Variants in FAM174B observed in about 807,000 individuals in gnomAD.
FAM174B encodes membrane protein FAM174B.
A neutral mutation model predicts 10.9 loss-of-function variants in FAM174B; 12 were observed. The ratio of observed to expected loss-of-function variants is 1.10; its 90% confidence interval spans 0.71 to 1.79. The LOEUF (loss-of-function observed/expected upper bound fraction) is 1.79, where lower values mean the gene tolerates loss of function less well. Ranked by LOEUF, FAM174B falls within the 40% of genes most tolerant of loss-of-function variation. The pLI is 0.00. For missense variants in FAM174B, 266 were observed against 233.3 expected (o/e 1.14, Z -0.91); for synonymous variants, 132 against 115.8 (o/e 1.14, Z -0.90).
chr15:92,620,510 A>G (rs539244506), intron 2 of FAM174B, among the ~76,000 whole-genome samples: 93 of 151,982 alleles, frequency 6.1e-4, no homozygotes, highest in Non-Finnish European at 1.0e-3. Context: ...AAAAATAAGC[A>G]TAAGTTTAAA....
chr15:92,639,070 T>C (rs1015736332), intron 1 of FAM174B: 1 of 152,334 alleles, frequency 6.6e-6, no homozygotes, highest in African/African-American at 2.4e-5. Context: ...GAGTGACCTG[T>C]CCCAGGAAGC....
chr15:92,630,818 A>ATTACGTG lies in FAM174B; in HGVS notation c.345-474_345-473insCACGTAA, dbSNP rs1567044673. 5.7e-4 allele frequency among the ~76,000 whole-genome samples: 16 copies of ATTACGTG among 28,166 alleles called. 6 individuals are homozygous for ATTACGTG. Among genetic ancestry groups the ATTACGTG allele is most frequent in the Non-Finnish European group, 1.6e-3 (12 of 7,386 alleles). 18.5% of individuals were successfully genotyped at this position (28,166 alleles called of 152,430 possible). A position where few individuals can be genotyped will look rare whatever the true frequency, so the allele number is the denominator to read the frequency against. The stretch of plus-strand genomic sequence containing the variant: ...ATTACATATTATATATATTTTATAT[A>ATTACGTG]TTACATATTATATATTATATATATT... On this transcript the variant is annotated intron_variant, in intron 1 of 2. Transcript: ENST00000327355.
intron 1 of FAM174B, among the ~76,000 whole-genome samples, chr15:92,636,052 C>T (rs538245295): frequency 3.3e-4 from 51 of 152,266 alleles, no homozygotes; most frequent in Middle Eastern, 6.8e-3. Context: ...AGAGAGAAAA[C>T]GTGAGAAAAT....
rs367562840 is a variant in FAM174B, at chr15:92,628,844, C to T, written c.476+1370G>A. On this transcript the variant is annotated intron_variant, in intron 2 of 2. Transcript: ENST00000327355. ...ATATACATATCAAAATGTAAAACAC[C>T]AATGAGAATATATCTTAACAAAAAT... 3.3e-5 allele frequency among the ~76,000 whole-genome samples: 5 copies of T among 152,016 alleles called. No individual in the cohort carries two copies. In the East Asian group the frequency reaches 9.6e-4, roughly 29 times the overall value.
intron 1 of FAM174B, among the ~76,000 whole-genome samples, chr15:92,644,586 C>T (rs781442123): frequency 3.9e-5 from 6 of 152,142 alleles, no homozygotes; most frequent in African/African-American, 7.2e-5. Context: ...CTCCCCACCA[C>T]GCTGCAGCCC....
intron 2 of FAM174B, among the ~76,000 whole-genome samples, chr15:92,625,973 C>A (rs1302608418): frequency 2.1e-5 from 3 of 139,648 alleles, no homozygotes; most frequent in Admixed American, 2.1e-4. Context: ...AAAAGCAAAG[C>A]AAAAGAAGAG....
chr15:92,634,313 T>TACTTG (rs2050838757), intron 1 of FAM174B: 1 of 152,214 alleles, frequency 6.6e-6, no homozygotes, highest in Non-Finnish European at 1.5e-5. Flanking sequence ...CCTCATTGCA[T>TACTTG]ACTTGGAACT....
intron 1 of FAM174B, among the ~76,000 whole-genome samples, chr15:92,631,988 C>T (rs748940666): frequency 8.0e-5 from 12 of 150,240 alleles, no homozygotes; most frequent in Non-Finnish European, 1.6e-4. Context: ...CAGTTCATCT[C>T]CCTGAGCTTC....
intron 2 of FAM174B, 63 bp downstream of exon 2, chr15:92,630,151 C>T (rs1319406345): frequency 1.9e-6 from 3 of 1,572,696 alleles, no homozygotes; most frequent in African/African-American, 1.4e-5. Flanking sequence ...CCATGCCTGA[C>T]CTCGAGGTCC....
intron 2 of FAM174B, 179 bp from the exon 3 acceptor site, chr15:92,619,638 CTCCCTCCCCACAGTTCCCAACTAAGGA>C: frequency 1.5e-6 from 1 of 661,044 alleles, no homozygotes; most frequent in Non-Finnish European, 2.6e-6. Flanking sequence ...AGCAAACCCC[CTCCCTCCCCACAGTTCCCAACTAAGGA>C]TCCCTCCCCC....
intron 1 of FAM174B, among the ~76,000 whole-genome samples, chr15:92,635,819 G>A (rs2050852409): frequency 6.6e-6 from 1 of 152,038 alleles, no homozygotes; most frequent in Non-Finnish European, 1.5e-5. Context: ...GACCTCAGGT[G>A]ATCTGCCTGC....
intron 2 of FAM174B, among the ~76,000 whole-genome samples, chr15:92,622,027 C>T (rs2050722693): frequency 6.6e-6 from 1 of 152,336 alleles, no homozygotes; most frequent in East Asian, 1.9e-4. Context: ...GCCATAGCTG[C>T]GCCAGAGCAG....
intron 2 of FAM174B, among the ~76,000 whole-genome samples, chr15:92,625,881 T>A (rs1277873875): frequency 6.6e-6 from 1 of 152,238 alleles, no homozygotes; most frequent in Non-Finnish European, 1.5e-5. Context: ...GTCTAATGAC[T>A]CACTTCCAAG....
intron 1 of FAM174B, among the ~76,000 whole-genome samples, chr15:92,637,621 C>T (rs1249967366): frequency 6.6e-6 from 1 of 152,162 alleles, no homozygotes; most frequent in East Asian, 1.9e-4. Context: ...GTTTAAACCC[C>T]AGGACTCTGC....
chr15:92,619,748 G>A, intron 2 of FAM174B: 1 of 493,598 alleles, frequency 2.0e-6, no homozygotes, highest in Admixed American at 3.6e-5. Flanking sequence ...CACTTCCAGG[G>A]TGTTTACACT....
intron 1 of FAM174B, among the ~76,000 whole-genome samples, chr15:92,633,093 A>T (rs1567046050): frequency 6.6e-6 from 1 of 152,170 alleles, no homozygotes; most frequent in African/African-American, 2.4e-5. Flanking sequence ...AATATTTAAT[A>T]CTGTCTATGA....
chr15:92,645,143 G>C (rs534620591), intron 1 of FAM174B, among the ~76,000 whole-genome samples: 1 of 152,324 alleles, frequency 6.6e-6, no homozygotes, highest in South Asian at 2.1e-4. Flanking sequence ...GAGATGTAAT[G>C]ATATGCACGT....
intron 1 of FAM174B, among the ~76,000 whole-genome samples, chr15:92,643,915 T>G (rs969346376): frequency 1.8e-4 from 28 of 152,128 alleles, no homozygotes; most frequent in Non-Finnish European, 3.4e-4. Context: ...AAATGGATCA[T>G]GGGAGAGGAA....
intron 1 of FAM174B, among the ~76,000 whole-genome samples, chr15:92,633,240 C>G (rs1378056635): frequency 2.0e-5 from 3 of 152,138 alleles, no homozygotes; most frequent in African/African-American, 7.2e-5. Context: ...GTCTTCAGCA[C>G]GGAGAAACTC....
Sources: gnomAD v4.1 joint callset for allele counts (sites outside exome capture counted in the v4.1 genomes callset) on GRCh38, gnomAD v4.1.1 for gene constraint, MANE v1.5 for transcripts, NCBI Gene and HGNC (gene_info 2026-07-23, HGNC 2026-07-21) for gene names.